The following DNAI4 variants were observed in gnomAD, a reference collection of about 807,000 sequenced individuals.
DNAI4 encodes dynein axonemal intermediate chain 4.
Under a neutral mutation model 105.8 loss-of-function variants are expected in DNAI4, and 85 were observed. The ratio of observed to expected loss-of-function variants is 0.80; its 90% CI spans 0.67 to 0.96. The LOEUF is 0.96. DNAI4 is among the 40% of genes least tolerant of loss of function. The pLI, the probability that DNAI4 is intolerant of heterozygous loss-of-function variation, is 0.00. For missense variants in DNAI4, 1,014 were observed against 1,005.6 expected (o/e 1.01, Z -0.11); for synonymous variants, 352 against 331.5 (o/e 1.06, Z -0.67).
At chr1:66,839,849 G>C (rs1646110632) in intron 9 of DNAI4, among the ~76,000 whole-genome samples, 1 of 152,174 alleles carries the variant, frequency 6.6e-6, no homozygotes, top group African/African-American at 2.4e-5. Context: ...CCAGTTGTGT[G>C]ACTTTGGGCA....
chr1:66,847,481 T>A lies in DNAI4; in HGVS notation c.1291+3A>T. The A allele has an allele frequency of 6.2e-7, 1 of 1,610,184 alleles. No individual in the cohort carries two copies. Among genetic ancestry groups the A allele is most frequent in the Non-Finnish European group, 8.5e-7 (1 of 1,178,984 alleles). On this transcript the variant is annotated splice_donor_region_variant and intron_variant, in intron 8 of 16. Transcript: ENST00000371026. ...CCTAAACATGTTTATTTTTTTTAAATACCTTTTAAAACAGGAAGCTGACGA... is the reference window on the plus strand; with the variant it reads ...CCTAAACATGTTTATTTTTTTTAAAAACCTTTTAAAACAGGAAGCTGACGA...
At chr1:66,906,509 T>C (rs1480951790) in intron 1 of DNAI4, among the ~76,000 whole-genome samples, 1 of 152,236 alleles carries the variant, frequency 6.6e-6, no homozygotes. Flanking sequence ...TCATATTTTA[T>C]TTTTCTTCAT....
At chr1:66,891,289 T>A in intron 3 of DNAI4, 23 bp from the exon 4 acceptor site, 1 of 1,536,608 alleles carries the variant, frequency 6.5e-7, no homozygotes, top group Non-Finnish European at 9.0e-7. Flanking sequence ...ATAACAAAAT[T>A]ACTCATTTAT....
intron 16 of DNAI4, among the ~76,000 whole-genome samples, chr1:66,820,492 C>T (rs561563735): frequency 6.6e-6 from 1 of 152,104 alleles, no homozygotes; most frequent in Non-Finnish European, 1.5e-5. Flanking sequence ...ATAGAGTTAA[C>T]ATTCTAGGTG....
At chr1:66,837,434 A>C (rs1234192121) in intron 10 of DNAI4, among the ~76,000 whole-genome samples, 1 of 151,550 alleles carries the variant, frequency 6.6e-6, no homozygotes, top group African/African-American at 2.4e-5. Flanking sequence ...CTTTATAATT[A>C]GCTGTGAAAA....
intron 7 of DNAI4, among the ~76,000 whole-genome samples, chr1:66,849,364 T>C (rs72671671): frequency 0.098 from 14,867 of 152,202 alleles, 961 homozygotes; most frequent in Middle Eastern, 0.18. Flanking sequence ...GTGGCAAATA[T>C]AGACTTCTAC....
At chr1:66,824,198 T>G (rs1645698363) in intron 15 of DNAI4, among the ~76,000 whole-genome samples, 1 of 139,566 alleles carries the variant, frequency 7.2e-6, no homozygotes, top group Non-Finnish European at 1.6e-5. Context: ...TTTCTCAGGT[T>G]TGTCAAAGAT....
At chr1:66,901,065 G>T (rs892643652) in intron 2 of DNAI4, among the ~76,000 whole-genome samples, 1 of 152,012 alleles carries the variant, frequency 6.6e-6, no homozygotes, top group African/African-American at 2.4e-5. Flanking sequence ...CTAGTTTGTT[G>T]CGTGTTTATA....
At chr1:66,892,995 A>AGAG (rs1647851752) in intron 3 of DNAI4, among the ~76,000 whole-genome samples, 1 of 114,566 alleles carries the variant, frequency 8.7e-6, no homozygotes, top group African/African-American at 3.9e-5. Flanking sequence ...GAAAGAAAGA[A>AGAG]AGAGAGAAAG....
intron 1 of DNAI4, among the ~76,000 whole-genome samples, chr1:66,913,603 C>A (rs2100870718): frequency 6.6e-6 from 1 of 152,152 alleles, no homozygotes; most frequent in East Asian, 1.9e-4. Flanking sequence ...ATGGCTTGCC[C>A]AGGAAATATA....
At chr1:66,822,211 C>A (rs1357110647) in intron 16 of DNAI4, 150 bp downstream of exon 16, 2 of 571,272 alleles carry the variant, frequency 3.5e-6, no homozygotes, top group East Asian at 6.7e-5. Flanking sequence ...CTAGTAGGCA[C>A]CATGTATAGA....
At chr1:66,922,943 C>A (rs1289362873) in intron 1 of DNAI4, among the ~76,000 whole-genome samples, 2 of 152,106 alleles carry the variant, frequency 1.3e-5, no homozygotes, top group Non-Finnish European at 2.9e-5. Context: ...TTAAAGACAT[C>A]AGAGTGAAGA....
chr1:66,891,116 C>G (rs199927060), intron 4 of DNAI4, 38 bp downstream of exon 4: 1 of 1,409,814 alleles, frequency 7.1e-7, no homozygotes, highest in Non-Finnish European at 1.0e-6. Flanking sequence ...GACTAAATAA[C>G]GGACTGTTAC....
intron 5 of DNAI4, among the ~76,000 whole-genome samples, chr1:66,874,412 G>A (rs1646917956): frequency 6.6e-6 from 1 of 151,968 alleles, no homozygotes; most frequent in Non-Finnish European, 1.5e-5. Flanking sequence ...CTATAAAAAT[G>A]TCATTTCTTT....
rs570303443 is a variant in DNAI4 at position 66,884,658 on chromosome 1, TCAAGGATATTGG to T, written c.643+6484_643+6495del. Among the ~76,000 whole-genome samples the T allele has an allele frequency of 3.1e-3, 467 of 152,344 alleles. 5 individuals carry two copies. Among genetic ancestry groups the T allele is most frequent in the South Asian group, 0.027 (128 of 4,826 alleles). ...TTGAGGATTTTTGCATCCATGTTCA[TCAAGGATATTGG>T]CCCATGATTTTTTCTTGTAATATCT... On this transcript the variant is annotated intron_variant, in intron 4 of 16. Transcript: ENST00000371026.
At chr1:66,862,027 A>G (rs1646636435) in intron 7 of DNAI4, 120 bp downstream of exon 7, 2 of 954,944 alleles carry the variant, frequency 2.1e-6, no homozygotes, top group Admixed American at 3.3e-5. Flanking sequence ...GCTATTTCTG[A>G]GTAAAAGTTG....
intron 14 of DNAI4, 163 bp from the exon 15 acceptor site, chr1:66,827,209 A>T (rs973428517): frequency 2.5e-5 from 15 of 595,102 alleles, no homozygotes; most frequent in African/African-American, 2.4e-4. Context: ...AATCTTCCCT[A>T]AATTATTACA....
chr1:66,914,612 GTT>G (rs1649927081), intron 1 of DNAI4, among the ~76,000 whole-genome samples: 1 of 151,728 alleles, frequency 6.6e-6, no homozygotes, highest in African/African-American at 2.4e-5. Flanking sequence ...TTTCACCTGA[GTT>G]GTTTCCTTTA....
At chr1:66,883,368 C>CCTGGAGGGA (rs1647122766) in intron 4 of DNAI4, among the ~76,000 whole-genome samples, 2 of 152,040 alleles carry the variant, frequency 1.3e-5, no homozygotes, top group South Asian at 4.2e-4. Flanking sequence ...ACCTCCACCT[C>CCTGGAGGGA]CTGGGTTCAA....
Sources: allele counts gnomAD v4.1 joint callset (sites outside exome capture counted in the v4.1 genomes callset), GRCh38; gene constraint gnomAD v4.1.1; transcripts MANE v1.5; gene names NCBI Gene and HGNC (gene_info 2026-07-23, HGNC 2026-07-21).